Variants in DENND5B observed in about 807,000 individuals in gnomAD.
DENND5B encodes DENN domain containing 5B.
A neutral mutation model predicts 140.6 loss-of-function variants in DENND5B; 34 were observed. The observed-to-expected ratio is 0.24, with a 90% CI of 0.18 to 0.32. DENND5B has a LOEUF of 0.32. Ranked by LOEUF, DENND5B falls within the 10% of genes least tolerant of loss-of-function variation. The probability of loss-of-function intolerance (pLI) is 1.00; values close to 1 mark genes in which losing one functional copy is unlikely to be tolerated. For missense variants in DENND5B, 1,142 were observed against 1,560.2 expected (o/e 0.73, Z 4.52); for synonymous variants, 551 against 562.1 (o/e 0.98, Z 0.28).
At chr12:31,412,254 AG>A (rs1226821769) in intron 13 of DENND5B, among the ~76,000 whole-genome samples, 1 of 152,108 alleles carries the variant, frequency 6.6e-6, no homozygotes, top group Admixed American at 6.6e-5. Context: ...GACCTCGAAG[AG>A]GGTTTCTTGA....
In DENND5B at chr12:31,405,311, G is replaced by A. The variant is rs1287613052; in HGVS notation, c.2804-2668C>T. On this transcript the variant is annotated intron_variant, in intron 14 of 20. Transcript: ENST00000389082. The stretch of plus-strand genomic sequence containing the variant: ...AGCTTACTGCAATCTCCACCTCCTG[G>A]GCTCAAGTGATCCTCCCACCTCGGC... 4.0e-5 allele frequency among the ~76,000 whole-genome samples: 6 copies of A among 151,506 alleles called. No individual in the cohort carries two copies. The East Asian group carries it at 1.2e-3, about 30-fold the overall frequency.
At position 31,548,721 on chromosome 12, in the gene DENND5B, G is replaced by C. The variant is rs1354012006; in HGVS notation, c.127+41985C>G. 2.0e-5 allele frequency among the ~76,000 whole-genome samples: 3 copies of C among 152,106 alleles called. No individual in the cohort carries two copies. In the East Asian group the frequency reaches 5.8e-4, roughly 29 times the overall value. ...AACCTCTTCCTCCTTTGGGTAAAAG[G>C]ACAGACCTTTCAACAAGTGTGCTTT... On this transcript the variant is annotated intron_variant, in intron 1 of 20. Coordinates refer to ENST00000389082, the MANE Select transcript of DENND5B (RefSeq NM_144973.4).
chr12:31,542,131 C>T (rs1462004036), intron 1 of DENND5B, among the ~76,000 whole-genome samples: 3 of 151,618 alleles, frequency 2.0e-5, no homozygotes, highest in African/African-American at 7.3e-5. Flanking sequence ...ACTAAAAATA[C>T]AAAAAAATTA....
At chr12:31,450,805 T>C (rs1426618021) in intron 5 of DENND5B, among the ~76,000 whole-genome samples, 1 of 152,152 alleles carries the variant, frequency 6.6e-6, no homozygotes, top group Non-Finnish European at 1.5e-5. Context: ...AATAGCAGTA[T>C]TATACCTCAG....
chr12:31,525,958 A>C (rs1363747795), intron 1 of DENND5B, among the ~76,000 whole-genome samples: 1 of 152,160 alleles, frequency 6.6e-6, no homozygotes, highest in African/African-American at 2.4e-5. Flanking sequence ...GCACCATTGC[A>C]CTCCAATCTG....
intron 2 of DENND5B, among the ~76,000 whole-genome samples, chr12:31,488,126 C>A (rs377283253): frequency 4.3e-5 from 5 of 117,180 alleles, no homozygotes; most frequent in African/African-American, 1.5e-4. Flanking sequence ...CGTGCATACC[C>A]GGCTATTTTT....
chr12:31,458,543 CA>C (rs2138218623), intron 4 of DENND5B, among the ~76,000 whole-genome samples: 1 of 152,112 alleles, frequency 6.6e-6, no homozygotes, highest in African/African-American at 2.4e-5. Flanking sequence ...TGCACAAGCC[CA>C]AAAAGAACAA....
At chr12:31,569,967 A>AG (rs112793596) in intron 1 of DENND5B, among the ~76,000 whole-genome samples, 23,534 of 151,964 alleles carry the variant, frequency 0.15, 2,010 homozygotes, top group East Asian at 0.25. Flanking sequence ...AGGCTGAGGC[A>AG]GGCAGATCAA....
chr12:31,563,704 C>T (rs1454355814), intron 1 of DENND5B, among the ~76,000 whole-genome samples: 3 of 152,124 alleles, frequency 2.0e-5, no homozygotes, highest in Non-Finnish European at 4.4e-5. Flanking sequence ...TCATCTACTT[C>T]CTAAATGATT....
intron 5 of DENND5B, chr12:31,451,730 C>T (rs1052774696): frequency 1.8e-6 from 1 of 563,572 alleles, no homozygotes; most frequent in Non-Finnish European, 3.0e-6. Flanking sequence ...GGTTTATTTG[C>T]TTGTAAAATT....
At chr12:31,548,409 A>AAC (rs72514174) in intron 1 of DENND5B, among the ~76,000 whole-genome samples, 1 of 149,256 alleles carries the variant, frequency 6.7e-6, no homozygotes, top group East Asian at 2.0e-4. Flanking sequence ...AAAGAAGAAG[A>AAC]AAAAAAAAAG....
intron 1 of DENND5B, among the ~76,000 whole-genome samples, chr12:31,555,900 T>C (rs1366013542): frequency 3.9e-5 from 6 of 152,204 alleles, no homozygotes; most frequent in Non-Finnish European, 8.8e-5. Flanking sequence ...TTTAAGCCCG[T>C]TGGAAAAGCA....
chr12:31,550,136 C>A (rs1948995839), intron 1 of DENND5B, among the ~76,000 whole-genome samples: 1 of 151,374 alleles, frequency 6.6e-6, no homozygotes, highest in African/African-American at 2.4e-5. Context: ...CATATGTATA[C>A]ATGTGCCATG....
intron 7 of DENND5B, among the ~76,000 whole-genome samples, chr12:31,436,062 G>C (rs1391743969): frequency 2.0e-5 from 3 of 151,720 alleles, no homozygotes; most frequent in African/African-American, 7.3e-5. Context: ...GCCTCCCAAA[G>C]TGCCGGGATT....
chr12:31,574,295 A>AATAATT (rs374578025), intron 1 of DENND5B, among the ~76,000 whole-genome samples: 106 of 144,588 alleles, frequency 7.3e-4, no homozygotes, highest in South Asian at 4.2e-3. Context: ...TAATAATAAT[A>AATAATT]ATTTAAAAGG....
intron 8 of DENND5B, chr12:31,432,196 A>G: frequency 1.2e-6 from 1 of 848,130 alleles, no homozygotes; most frequent in Non-Finnish European, 1.4e-6. Context: ...AGCAAAAAAG[A>G]AAAGGATAGG....
intron 1 of DENND5B, among the ~76,000 whole-genome samples, chr12:31,585,058 A>G (rs1259356): frequency 0.82 from 123,996 of 151,812 alleles, 50,968 homozygotes; most frequent in African/African-American, 0.9. Context: ...GGAACTCATA[A>G]AGGGAGAACT....
chr12:31,547,452 G>A (rs1948900440), intron 1 of DENND5B, among the ~76,000 whole-genome samples: 1 of 152,302 alleles, frequency 6.6e-6, no homozygotes, highest in African/African-American at 2.4e-5. Context: ...AGGCTGGAGT[G>A]CAGTGGCACA....
chr12:31,426,695 A>G (rs944096013), intron 8 of DENND5B: 1 of 293,886 alleles, frequency 3.4e-6, no homozygotes. Context: ...CATTTCATTT[A>G]GTCTTTTTAT....
Sources: allele counts gnomAD v4.1 joint callset (sites outside exome capture counted in the v4.1 genomes callset), GRCh38; gene constraint gnomAD v4.1.1; transcripts MANE v1.5; gene names NCBI Gene and HGNC (gene_info 2026-07-23, HGNC 2026-07-21).